Variants in ARSL observed in about 807,000 individuals in gnomAD.
ARSL encodes the protein arylsulfatase L.
In ARSL, 4 loss-of-function variants were observed where a neutral mutation model predicts 31.1. The observed-to-expected ratio is 0.13, with a 90% confidence interval of 0.06 to 0.29. The LOEUF (loss-of-function observed/expected upper bound fraction) is 0.29. Ranked by LOEUF, ARSL falls within the 10% of genes least tolerant of loss-of-function variation. The probability of loss-of-function intolerance (pLI) is 1.00; values close to 1 mark genes in which losing one functional copy is unlikely to be tolerated. For missense variants in ARSL, 312 were observed against 497.8 expected (o/e 0.63, Z 3.55); for synonymous variants, 198 against 209.9 (o/e 0.94, Z 0.49).
intron 7 of ARSL, 44 bp from the exon 8 acceptor site, chrX:2,943,243 A>T: frequency 8.3e-7 from 1 of 1,202,343 alleles, no homozygotes; most frequent in Non-Finnish European, 1.1e-6. Context: ...ATGGAAAAAT[A>T]TCAGAAATGC....
At chrX:2,944,035 C>T (rs777472888) in intron 7 of ARSL, among the ~76,000 whole-genome samples, 3 of 110,407 alleles carry the variant, frequency 2.7e-5, no homozygotes, top group South Asian at 3.9e-4. Context: ...AAAAATTAGC[C>T]GGGTGTGGTA....
intron 2 of ARSL, among the ~76,000 whole-genome samples, chrX:2,958,764 A>C (rs1386288416): frequency 9.0e-6 from 1 of 111,252 alleles, no homozygotes; most frequent in Admixed American, 9.6e-5. Context: ...CAGCGGGTGG[A>C]TTGCTTTACC....
intron 2 of ARSL, among the ~76,000 whole-genome samples, chrX:2,960,132 G>C (rs1187922594): frequency 1.1e-5 from 1 of 90,386 alleles, no homozygotes; most frequent in African/African-American, 4.0e-5. Flanking sequence ...AGCCGGGCGT[G>C]GTGGCAGGCG....
chrX:2,943,348 G>T (rs2089307891), intron 7 of ARSL, 149 bp from the exon 8 acceptor site: 1 of 740,082 alleles, frequency 1.4e-6, no homozygotes, highest in Non-Finnish European at 2.0e-6. Flanking sequence ...GGATAATTTT[G>T]ATATCCTTTG....
rs149861816 is a variant in ARSL at position 2,945,248 on chromosome X, G to A, written c.991+750C>T. On this transcript the variant is annotated intron_variant, in intron 7 of 10. Coordinates refer to ENST00000381134, the MANE Select transcript of ARSL (RefSeq NM_000047.3). ...ACAAATGTGAAAGATACTGTGTGGC[G>A]TCCACGTGGCCAGAATGCAGCAGGT... is the stretch of plus-strand genomic sequence containing the variant. 3.4e-3 allele frequency among the ~76,000 whole-genome samples: 376 copies of A among 110,919 alleles called. 2 individuals carry two copies. The highest frequency in any genetic ancestry group is 0.012 in the African/African-American group (351 of 30,498).
At chrX:2,955,660 G>T in intron 3 of ARSL, 123 bp from the exon 4 acceptor site, 1 of 822,986 alleles carries the variant, frequency 1.2e-6, no homozygotes, top group Non-Finnish European at 1.8e-6. Context: ...ATGTTCTCAG[G>T]AATGACCCAA....
rs1238769298 is a variant in ARSL at position 2,960,868 on chromosome X, A to G, written c.-20-448T>C. On this transcript the variant is annotated intron_variant, in intron 1 of 10. Coordinates refer to ENST00000381134, the MANE Select transcript of ARSL (RefSeq NM_000047.3). The stretch of plus-strand genomic sequence containing the variant: ...CTGATTTGGAAGGGGGAAGCGGGGA[A>G]AGATCAAAGCTTGGATGATACACAA... Among the ~76,000 whole-genome samples, 2 of 111,446 alleles carry G rather than the reference A, an allele frequency of 1.8e-5. 1 individual carries two copies. The highest frequency in any genetic ancestry group is 3.8e-5 in the Non-Finnish European group (2 of 53,086).
At chrX:2,950,504 C>T (rs1203089825) in intron 5 of ARSL, among the ~76,000 whole-genome samples, 7 of 111,360 alleles carry the variant, frequency 6.3e-5, no homozygotes, top group Non-Finnish European at 3.8e-5. Context: ...AGAGTGGAGC[C>T]AGGTGGAGAT....
intron 3 of ARSL, among the ~76,000 whole-genome samples, chrX:2,957,720 A>G (rs1304851797): frequency 1.8e-5 from 2 of 109,586 alleles, no homozygotes; most frequent in African/African-American, 6.7e-5. Context: ...AAAAAAAAAA[A>G]AAAAAGAAAA....
chrX:2,961,684 G>A (rs990840936), intron 1 of ARSL, among the ~76,000 whole-genome samples: 2 of 110,702 alleles, frequency 1.8e-5, no homozygotes, highest in East Asian at 5.7e-4. Context: ...TTTTTCTACC[G>A]GACCCTTCCA....
intron 10 of ARSL, 109 bp downstream of exon 10, chrX:2,936,633 G>T: frequency 1.9e-6 from 2 of 1,064,248 alleles, no homozygotes; most frequent in Non-Finnish European, 2.6e-6. Context: ...GAGACATGGA[G>T]ATGGACTCTG....
At chrX:2,940,151 A>G (rs1475913098) in intron 8 of ARSL, among the ~76,000 whole-genome samples, 1 of 109,851 alleles carries the variant, frequency 9.1e-6, no homozygotes, top group Admixed American at 9.8e-5. Flanking sequence ...TACAGGTGAG[A>G]GCCACTGCGC....
chrX:2,959,761 G>A, intron 2 of ARSL: 1 of 1,121,691 alleles, frequency 8.9e-7, no homozygotes, highest in Non-Finnish European at 1.2e-6. Flanking sequence ...GCACCATCAA[G>A]AGATCCAGAA....
At chrX:2,936,662 A>G (rs1476468108) in intron 10 of ARSL, 80 bp downstream of exon 10, 13 of 1,161,166 alleles carry the variant, frequency 1.1e-5, no homozygotes, top group Non-Finnish European at 1.5e-5. Flanking sequence ...CTCCATCCCT[A>G]GCCTGTTCTA....
intron 8 of ARSL, among the ~76,000 whole-genome samples, chrX:2,942,353 G>A (rs546680195): frequency 3.9e-4 from 43 of 111,105 alleles, no homozygotes; most frequent in African/African-American, 1.1e-3. Context: ...GTGCAGTGGC[G>A]CGATCTCAGC....
chrX:2,966,231 G>C (rs963868786), upstream of ARSL, among the ~76,000 whole-genome samples: 3 of 111,193 alleles, frequency 2.7e-5, no homozygotes, highest in African/African-American at 9.8e-5. Flanking sequence ...ACAAGTGGAC[G>C]GTTTTGGTGG....
intron 8 of ARSL, 49 bp downstream of exon 8, chrX:2,943,016 G>A (rs1004965543): frequency 3.3e-6 from 4 of 1,199,672 alleles, no homozygotes; most frequent in Non-Finnish European, 4.5e-6. Flanking sequence ...GGAATTGCAG[G>A]GAAGAGATAA....
chrX:2,963,681 C>T (rs1418110470), intron 1 of ARSL, among the ~76,000 whole-genome samples: 4 of 105,996 alleles, frequency 3.8e-5, no homozygotes, highest in Non-Finnish European at 7.7e-5. Context: ...GCTGAAACTA[C>T]AGGCACATGC....
chrX:2,961,580 TATCTTGA>T (rs1357380465), intron 1 of ARSL, among the ~76,000 whole-genome samples: 34 of 112,154 alleles, frequency 3.0e-4, no homozygotes, highest in African/African-American at 1.0e-3. Flanking sequence ...TTCTTTGCCA[TATCTTGA>T]AATGGCCCTG....
Sources: gnomAD v4.1 joint callset for allele counts (sites outside exome capture counted in the v4.1 genomes callset) on GRCh38, gnomAD v4.1.1 for gene constraint, MANE v1.5 for transcripts, NCBI Gene and HGNC (gene_info 2026-07-23, HGNC 2026-07-21) for gene names.